The following ZNF680 variants were observed in gnomAD, a reference collection of about 807,000 sequenced individuals.
ZNF680 encodes zinc finger protein 680, also known as hypothetical protein FLJ90430.
In ZNF680, 6 loss-of-function variants were observed where a neutral mutation model predicts 12.1. The observed-to-expected ratio is 0.49, with a 90% CI of 0.27 to 0.98. The LOEUF is 0.98. Ranked by LOEUF, ZNF680 falls within the 50% of genes least tolerant of loss-of-function variation. The pLI, the probability that ZNF680 is intolerant of heterozygous loss-of-function variation, is 0.12. For missense variants in ZNF680, 561 were observed against 616.3 expected (o/e 0.91, Z 0.95); for synonymous variants, 170 against 199.3 (o/e 0.85, Z 1.24).
At chr7:64,514,096 T>C in the ZNF680 span, among the ~76,000 whole-genome samples, 2 of 152,202 alleles carry the variant, frequency 1.3e-5, no homozygotes, top group African/African-American at 4.8e-5. Context: ...TTCAACAAAC[T>C]TCACAAGATC....
chr7:64,509,366 C>T, the ZNF680 span, among the ~76,000 whole-genome samples: 1 of 152,130 alleles, frequency 6.6e-6, no homozygotes, highest in Non-Finnish European at 1.5e-5. Context: ...CTTTCAACAG[C>T]CAGGAGGAAG....
intron 1 of ZNF680, among the ~76,000 whole-genome samples, chr7:64,545,728 C>T (rs1786753683): frequency 6.6e-6 from 1 of 152,144 alleles, no homozygotes; most frequent in Non-Finnish European, 1.5e-5. Flanking sequence ...CAGGAATCTC[C>T]TAAAATTTTT....
chr7:64,542,180 GC>G (rs1442368349), intron 3 of ZNF680, among the ~76,000 whole-genome samples: 1 of 152,012 alleles, frequency 6.6e-6, no homozygotes, highest in Non-Finnish European at 1.5e-5. Flanking sequence ...ACCAAGCTAC[GC>G]CCCTCTCCAC....
chr7:64,529,281 G>C (rs1785736220), intron 3 of ZNF680, among the ~76,000 whole-genome samples: 1 of 152,118 alleles, frequency 6.6e-6, no homozygotes, highest in Non-Finnish European at 1.5e-5. Flanking sequence ...TATCACACTA[G>C]CTAACCAGCA....
At chr7:64,529,339 C>A (rs991173508) in intron 3 of ZNF680, among the ~76,000 whole-genome samples, 5 of 152,094 alleles carry the variant, frequency 3.3e-5, no homozygotes, top group African/African-American at 1.2e-4. Context: ...AAAAAGAATT[C>A]AGGAGGTTAG....
At chr7:64,504,526 C>G in the ZNF680 span, among the ~76,000 whole-genome samples, 4 of 152,148 alleles carry the variant, frequency 2.6e-5, no homozygotes, top group African/African-American at 9.7e-5. Flanking sequence ...ATCCAAATTA[C>G]TATAAACAAT....
chr7:64,544,601 A>G (rs1786685896), intron 1 of ZNF680, among the ~76,000 whole-genome samples, 169 bp from the exon 2 acceptor site: 1 of 152,224 alleles, frequency 6.6e-6, no homozygotes. Context: ...TTCAATGCAG[A>G]AATATTCTCT....
At chr7:64,536,215 TAAG>T (rs1786158720) in intron 3 of ZNF680, among the ~76,000 whole-genome samples, 1 of 152,178 alleles carries the variant, frequency 6.6e-6, no homozygotes, top group Non-Finnish European at 1.5e-5. Flanking sequence ...AAAAGATTAA[TAAG>T]AAAACAGAAA....
In ZNF680 at chr7:64,562,911, G is replaced by C. The variant is rs201613605; in HGVS notation, c.30+14C>G. 3.7e-6 allele frequency: 6 copies of C among 1,613,562 alleles called. No individual in the cohort carries two copies. Among genetic ancestry groups the C allele is most frequent in the Non-Finnish European group, 4.2e-6 (5 of 1,179,712 alleles). ...CCCCTCCCCCTCTCTCGGGGTGTCG[G>C]ACCGCACTCTCACCATTTCTAGGCT... is the stretch of plus-strand genomic sequence containing the variant. On this transcript the variant is annotated intron_variant, in intron 1 of 3. Transcript: ENST00000309683.
chr7:64,552,996 C>T (rs1280325180), intron 1 of ZNF680, among the ~76,000 whole-genome samples: 4 of 151,990 alleles, frequency 2.6e-5, no homozygotes, highest in Non-Finnish European at 1.5e-5. Flanking sequence ...CGTGGTAGCA[C>T]ATGCCTGTAG....
the ZNF680 span, among the ~76,000 whole-genome samples, chr7:64,499,738 C>T: frequency 2.0e-5 from 3 of 152,078 alleles, no homozygotes; most frequent in South Asian, 2.1e-4. Context: ...AGCGAGACTC[C>T]GTCTCAAAAA....
the ZNF680 span, among the ~76,000 whole-genome samples, chr7:64,509,772 G>A: frequency 6.6e-6 from 1 of 151,958 alleles, no homozygotes; most frequent in East Asian, 1.9e-4. Flanking sequence ...CAGGAACATG[G>A]GTAAAGGTCA....
intron 1 of ZNF680, among the ~76,000 whole-genome samples, chr7:64,554,115 G>C (rs1206673319): frequency 1.3e-5 from 2 of 151,578 alleles, no homozygotes; most frequent in African/African-American, 2.4e-5. Context: ...CCTCTTCCCG[G>C]CCGTCATCCC....
Position 64,520,515 on chromosome 7 carries a change from T to C in ZNF680, c.*646A>G, listed in dbSNP as rs976926855. 1.3e-5 allele frequency: 2 copies of C among 151,900 alleles called. No individual in the cohort carries two copies. The highest frequency in any genetic ancestry group is 6.6e-5 in the Admixed American group (1 of 15,246). The allele number at this position is 151,900 out of a possible 1,614,324, so 9.4% of individuals were successfully genotyped here. A position where few individuals can be genotyped will look rare whatever the true frequency, so the allele number is the denominator to read the frequency against. Reference sequence around the variant, plus strand: ...TACTGTAAATTATTTAATATTTACATAGACTCAATTTTGGATTAAATATTT... The same window carrying C: ...TACTGTAAATTATTTAATATTTACACAGACTCAATTTTGGATTAAATATTT... On this transcript the variant is annotated 3_prime_UTR_variant, in exon 4 of 4. Coordinates refer to ENST00000309683, the MANE Select transcript of ZNF680 (RefSeq NM_178558.5).
intron 1 of ZNF680, chr7:64,551,939 T>A (rs1562771823): frequency 6.6e-6 from 1 of 152,160 alleles, no homozygotes. Flanking sequence ...ACATGAGCAT[T>A]ACGAAAAAGG....
intron 3 of ZNF680, among the ~76,000 whole-genome samples, chr7:64,531,255 A>G (rs1442673711): frequency 3.9e-5 from 6 of 152,176 alleles, no homozygotes; most frequent in African/African-American, 1.2e-4. Context: ...AATAAGTTAA[A>G]GAATATTGAA....
chr7:64,552,345 G>A (rs1050215245), intron 1 of ZNF680, among the ~76,000 whole-genome samples: 9 of 152,108 alleles, frequency 5.9e-5, no homozygotes, highest in African/African-American at 2.2e-4. Context: ...GAGCCACTGT[G>A]CTCGGTCACC....
At chr7:64,531,195 G>A (rs568683817) in intron 3 of ZNF680, among the ~76,000 whole-genome samples, 1 of 152,100 alleles carries the variant, frequency 6.6e-6, no homozygotes, top group Non-Finnish European at 1.5e-5. Flanking sequence ...TCAACAGCGG[G>A]TGAAACTTTC....
chr7:64,546,985 A>T (rs1786820898), intron 1 of ZNF680, among the ~76,000 whole-genome samples: 1 of 152,148 alleles, frequency 6.6e-6, no homozygotes, highest in African/African-American at 2.4e-5. Flanking sequence ...ACTTAAAACA[A>T]TACGGATGCT....
Sources: allele counts gnomAD v4.1 joint callset (sites outside exome capture counted in the v4.1 genomes callset), GRCh38; gene constraint gnomAD v4.1.1; transcripts MANE v1.5; gene names NCBI Gene and HGNC (gene_info 2026-07-23, HGNC 2026-07-21).